Variants in CRAMP1 observed in about 807,000 individuals in gnomAD.
CRAMP1 encodes cramped chromatin regulator 1.
CRAMP1 carries 50 observed loss-of-function variants against 115.4 expected under a neutral mutation model. The ratio of observed to expected loss-of-function variants is 0.43; its 90% CI spans 0.35 to 0.55. The LOEUF is 0.55. CRAMP1 is among the 20% of genes least tolerant of loss of function. The pLI is 0.01. For synonymous variants in CRAMP1, 866 were observed against 745.4 expected, an observed-to-expected ratio of 1.16 and a Z score of -2.64; for missense variants, 1,679 against 1,721.7, an observed-to-expected ratio of 0.98 and a Z score of 0.44.
chr16:1,677,703 A>C lies in CRAMP1; in HGVS notation c.*3658A>C, dbSNP rs1208275273. On this transcript the variant is annotated 3_prime_UTR_variant, in exon 21 of 21. Coordinates refer to ENST00000397412, the MANE Select transcript of CRAMP1 (RefSeq NM_020825.4). ...TTATAGATTATAAATATGCATATAC[A>C]GTGTATGTATAAAGCAGAATGCCTG... 1 of 152,662 alleles carries C rather than the reference A, an allele frequency of 6.6e-6. No individual in the cohort carries two copies. Among genetic ancestry groups the C allele is most frequent in the East Asian group, 1.9e-4 (1 of 5,206 alleles). The allele number at this position is 152,662 out of a possible 1,614,324, so 9.5% of individuals were successfully genotyped here.
chr16:1,612,924 C>T (rs1469185369), intron 1 of CRAMP1, among the ~76,000 whole-genome samples: 2 of 151,976 alleles, frequency 1.3e-5, no homozygotes, highest in East Asian at 2.0e-4. Context: ...TGCTTGTTGG[C>T]CCTTAGGGTA....
chr16:1,662,512 C>A lies in CRAMP1; in HGVS notation c.2436C>A (p.Pro812=), dbSNP rs909479165. ...CAGGTTTGAGAAACCCTCCAAGACC[C>A]CTCTTGGTGCCTGGTCCCTCCAGCA... ...CSSGLRNPPR[P]LLVPGPSSTG... The change falls in exon 12 of 21, where the codon CCC becomes CCA. Residue 812 remains proline (P), a synonymous_variant. Transcript: ENST00000397412. 1 of 1,613,880 alleles carries A rather than the reference C, an allele frequency of 6.2e-7. No individual in the cohort carries two copies.
At chr16:1,657,847 C>T (rs1032002248) in intron 10 of CRAMP1, among the ~76,000 whole-genome samples, 14 of 152,164 alleles carry the variant, frequency 9.2e-5, no homozygotes, top group African/African-American at 2.7e-4. Flanking sequence ...TAGGGGCTGG[C>T]GAGCTGCTGG....
rs755987546 is a variant in CRAMP1 at position 1,668,116 on chromosome 16, A to G, written c.3257A>G (p.Asp1086Gly). Reference sequence around the variant, plus strand: ...ATCTCCCTGCCCGGCCCACCTGAGGATGCGCTGTCACAGGGCGAGCCTGCC... The same window carrying G: ...ATCTCCCTGCCCGGCCCACCTGAGGGTGCGCTGTCACAGGGCGAGCCTGCC... ...LDISLPGPPE[D>G]ALSQGEPATH... The change falls in exon 18 of 21, where the codon GAT becomes GGT. Residue 1086 changes from aspartate (D) to glycine (G), a missense_variant. Transcript: ENST00000397412. 6.2e-7 allele frequency: 1 copy of G among 1,613,300 alleles called. No homozygotes were observed. The highest frequency in any genetic ancestry group is 2.2e-5 in the East Asian group (1 of 44,850).
intron 6 of CRAMP1, among the ~76,000 whole-genome samples, chr16:1,643,689 C>T (rs982722177): frequency 1.3e-5 from 2 of 152,214 alleles, no homozygotes; most frequent in African/African-American, 2.4e-5. Context: ...GCGTGGACAG[C>T]GGAATCGAAA....
chr16:1,659,761 C>T (rs1320200769), intron 10 of CRAMP1, 125 bp from the exon 11 acceptor site: 23 of 925,790 alleles, frequency 2.5e-5, no homozygotes, highest in South Asian at 4.3e-5. Context: ...CTGGCCCTGG[C>T]CTTTGCCGTC....
intron 2 of CRAMP1, among the ~76,000 whole-genome samples, chr16:1,618,733 A>G (rs1385667160): frequency 6.6e-6 from 1 of 152,166 alleles, no homozygotes; most frequent in Non-Finnish European, 1.5e-5. Context: ...GATGTCTCAT[A>G]AGAGATTGTA....
chr16:1,619,524 A>G (rs531584244), intron 2 of CRAMP1, among the ~76,000 whole-genome samples: 6 of 152,318 alleles, frequency 3.9e-5, no homozygotes, highest in Admixed American at 2.6e-4. Flanking sequence ...GAAACACTGA[A>G]AAAAGGAGAC....
chr16:1,623,466 CAT>C (rs1175121776), intron 2 of CRAMP1, among the ~76,000 whole-genome samples: 9 of 152,254 alleles, frequency 5.9e-5, no homozygotes, highest in East Asian at 1.9e-4. Flanking sequence ...TTTAGCAAGA[CAT>C]GTGGATTATG....
intron 2 of CRAMP1, among the ~76,000 whole-genome samples, chr16:1,616,252 G>T (rs996124809): frequency 1.8e-4 from 28 of 152,192 alleles, no homozygotes; most frequent in African/African-American, 6.8e-4. Context: ...GTATGTCTAA[G>T]CTCATATAAG....
intron 18 of CRAMP1, 105 bp from the exon 19 acceptor site, chr16:1,668,896 T>TAG: frequency 1.9e-6 from 2 of 1,045,322 alleles, no homozygotes; most frequent in Middle Eastern, 2.0e-4. Flanking sequence ...TTCAGCAGGG[T>TAG]AGAGCCCTGC....
chr16:1,620,973 C>T (rs948752767), intron 2 of CRAMP1, among the ~76,000 whole-genome samples: 2 of 152,004 alleles, frequency 1.3e-5, no homozygotes, highest in African/African-American at 4.8e-5. Flanking sequence ...CTGAAAGTTT[C>T]CCCATTTCTA....
Position 1,655,869 on chromosome 16 carries a change from G to A in CRAMP1, c.1120-8G>A. On this transcript the variant is annotated splice_region_variant and splice_polypyrimidine_tract_variant and intron_variant, in intron 9 of 20. Coordinates refer to ENST00000397412, the MANE Select transcript of CRAMP1 (RefSeq NM_020825.4). ...AGCCAGTGTGGGCCTTCCTTGACGG[G>A]CACTCAGCGGAAGACACTCGAGGAG... 6.3e-7 allele frequency: 1 copy of A among 1,599,644 alleles called. No homozygotes were observed. The highest frequency in any genetic ancestry group is 8.5e-7 in the Non-Finnish European group (1 of 1,170,744).
chr16:1,637,479 C>T (rs2036598038), intron 4 of CRAMP1, among the ~76,000 whole-genome samples: 1 of 152,172 alleles, frequency 6.6e-6, no homozygotes, highest in Admixed American at 6.5e-5. Flanking sequence ...CTGGCCTCAC[C>T]TGTGTGCAGA....
intron 5 of CRAMP1, among the ~76,000 whole-genome samples, chr16:1,638,144 T>C (rs898726092): frequency 1.3e-4 from 20 of 152,132 alleles, no homozygotes; most frequent in African/African-American, 4.8e-4. Flanking sequence ...CGTGCACACA[T>C]GTGTTCACAC....
At chr16:1,638,969 C>G (rs2036610718) in intron 5 of CRAMP1, among the ~76,000 whole-genome samples, 1 of 152,044 alleles carries the variant, frequency 6.6e-6, no homozygotes, top group Admixed American at 6.6e-5. Flanking sequence ...CCTCTCCAGC[C>G]CGCACTCATG....
intron 3 of CRAMP1, among the ~76,000 whole-genome samples, chr16:1,626,381 G>T (rs2036508502): frequency 6.6e-6 from 1 of 152,218 alleles, no homozygotes; most frequent in African/African-American, 2.4e-5. Context: ...TACTGGTGAG[G>T]TGTCTGTGAG....
chr16:1,651,984 A>G (rs754936158), intron 6 of CRAMP1, among the ~76,000 whole-genome samples: 11 of 151,404 alleles, frequency 7.3e-5, no homozygotes, highest in Non-Finnish European at 1.2e-4. Flanking sequence ...GGGGAGGTGG[A>G]CTGAGGTCAC....
chr16:1,659,816 A>C (rs898342860), intron 10 of CRAMP1, 70 bp from the exon 11 acceptor site: 17 of 1,410,602 alleles, frequency 1.2e-5, no homozygotes, highest in Non-Finnish European at 1.7e-5. Flanking sequence ...TGTGCCTCCT[A>C]CTCCAGGGCA....
Sources: allele counts gnomAD v4.1 joint callset (sites outside exome capture counted in the v4.1 genomes callset), GRCh38; gene constraint gnomAD v4.1.1; transcripts MANE v1.5; gene names NCBI Gene and HGNC (gene_info 2026-07-23, HGNC 2026-07-21).